LPGAT1: variants seen among roughly 807,000 people sequenced by gnomAD.
The protein encoded by LPGAT1 is acyl-CoA:lysophosphatidylglycerol acyltransferase 1.
In LPGAT1, 11 loss-of-function variants were observed where a neutral mutation model predicts 47.5. The observed-to-expected ratio is 0.23, with a 90% CI of 0.15 to 0.38. The LOEUF (loss-of-function observed/expected upper bound fraction) is 0.38. Ranked by LOEUF, LPGAT1 falls within the 10% of genes least tolerant of loss-of-function variation. The probability of loss-of-function intolerance (pLI) is 1.00; values close to 1 mark genes in which losing one functional copy is unlikely to be tolerated. For missense variants in LPGAT1, 293 were observed against 439.0 expected, an observed-to-expected ratio of 0.67 and a Z score of 2.97; for synonymous variants, 138 against 144.2, an observed-to-expected ratio of 0.96 and a Z score of 0.31.
At position 211,829,343 on chromosome 1, in the gene LPGAT1, C is replaced by A; in HGVS notation, c.-27-20G>T. The A allele has an allele frequency of 1.2e-6, 2 of 1,607,428 alleles. No homozygotes were observed. The highest frequency in any genetic ancestry group is 1.7e-6 in the Non-Finnish European group (2 of 1,176,286). ...GTCTTTCTGGGGTGAAAGAAAAATT[C>A]ACTTAAAAAGGAAAATTCATTAAAT... On this transcript the variant is annotated intron_variant, in intron 1 of 7. Transcript: ENST00000366997.
chr1:211,776,077 A>C (rs567716644), intron 6 of LPGAT1, among the ~76,000 whole-genome samples: 61 of 151,678 alleles, frequency 4.0e-4, no homozygotes, highest in African/African-American at 1.5e-3. Context: ...TAATTACAGA[A>C]CTCTAGGCTT....
chr1:211,829,718 G>C (rs931229339), intron 1 of LPGAT1: 17 of 1,018,702 alleles, frequency 1.7e-5, no homozygotes, highest in Middle Eastern at 5.0e-4. Flanking sequence ...CCGAAACAGG[G>C]TCCCCTCAAT....
chr1:211,757,273 T>C (rs1442286382), intron 6 of LPGAT1, among the ~76,000 whole-genome samples: 1 of 151,854 alleles, frequency 6.6e-6, no homozygotes, highest in Non-Finnish European at 1.5e-5. Flanking sequence ...AAAAAGCTAT[T>C]GGGCAGACTG....
chr1:211,809,593 T>C (rs1659892665), intron 2 of LPGAT1, among the ~76,000 whole-genome samples: 1 of 152,120 alleles, frequency 6.6e-6, no homozygotes, highest in Non-Finnish European at 1.5e-5. Flanking sequence ...GGTAATTGAA[T>C]CATGAGGGGC....
chr1:211,751,573 T>C (rs140510665), intron 6 of LPGAT1, among the ~76,000 whole-genome samples: 56 of 152,234 alleles, frequency 3.7e-4, no homozygotes, highest in Non-Finnish European at 6.8e-4. Context: ...GGGGTAACTT[T>C]TACCGGTTGG....
intron 2 of LPGAT1, among the ~76,000 whole-genome samples, chr1:211,801,371 A>C (rs12123135): frequency 0.087 from 13,191 of 152,076 alleles, 666 homozygotes; most frequent in Admixed American, 0.15. Flanking sequence ...GAAACTCAAA[A>C]CCCTTTCCTT....
At chr1:211,822,484 G>A (rs1172611704) in intron 2 of LPGAT1, among the ~76,000 whole-genome samples, 1 of 152,018 alleles carries the variant, frequency 6.6e-6, no homozygotes, top group Non-Finnish European at 1.5e-5. Context: ...TTTACGTCAA[G>A]ATCAGTCGTC....
chr1:211,758,724 G>C (rs1657566991), intron 6 of LPGAT1, among the ~76,000 whole-genome samples: 1 of 151,940 alleles, frequency 6.6e-6, no homozygotes, highest in Admixed American at 6.6e-5. Context: ...AGAACCTCTA[G>C]TATAATGTTC....
chr1:211,756,967 C>T (rs974688316), intron 6 of LPGAT1, among the ~76,000 whole-genome samples: 1 of 149,116 alleles, frequency 6.7e-6, no homozygotes, highest in African/African-American at 2.5e-5. Flanking sequence ...ATTAAGCATA[C>T]AAACTATCAC....
intron 6 of LPGAT1, among the ~76,000 whole-genome samples, chr1:211,775,719 G>A (rs771193363): frequency 5.9e-5 from 9 of 151,774 alleles, no homozygotes; most frequent in East Asian, 3.9e-4. Flanking sequence ...ACCTGAGGTC[G>A]GGAGTTCGAG....
intron 4 of LPGAT1, among the ~76,000 whole-genome samples, chr1:211,784,018 T>C (rs1362068793): frequency 6.6e-6 from 1 of 152,140 alleles, no homozygotes; most frequent in Non-Finnish European, 1.5e-5. Flanking sequence ...GAATAAGTCA[T>C]GTGAAGATGC....
intron 2 of LPGAT1, among the ~76,000 whole-genome samples, chr1:211,827,039 C>T (rs935786977): frequency 3.3e-5 from 5 of 152,332 alleles, no homozygotes; most frequent in African/African-American, 1.2e-4. Flanking sequence ...GGCTTTCAAC[C>T]AAATTCATTC....
At chr1:211,813,982 C>G (rs1660087564) in intron 2 of LPGAT1, among the ~76,000 whole-genome samples, 1 of 152,182 alleles carries the variant, frequency 6.6e-6, no homozygotes, top group South Asian at 2.1e-4. Flanking sequence ...CAAGTATGAA[C>G]ATTCTTTTTT....
chr1:211,819,941 C>T (rs1014007006), intron 2 of LPGAT1, among the ~76,000 whole-genome samples: 3 of 151,856 alleles, frequency 2.0e-5, no homozygotes, highest in Admixed American at 6.6e-5. Flanking sequence ...GCCAAGACTG[C>T]ACCACTACAC....
chr1:211,783,180 G>GA, intron 5 of LPGAT1, 49 bp downstream of exon 5: 1 of 1,493,554 alleles, frequency 6.7e-7, no homozygotes, highest in Non-Finnish European at 9.0e-7. Context: ...TGTAACTCCA[G>GA]AAAATCCTTT....
intron 2 of LPGAT1, among the ~76,000 whole-genome samples, chr1:211,826,225 A>G (rs991696011): frequency 2.0e-5 from 3 of 152,244 alleles, no homozygotes; most frequent in African/African-American, 7.2e-5. Flanking sequence ...ATGAATTTAC[A>G]GGGCTCATTT....
intron 2 of LPGAT1, among the ~76,000 whole-genome samples, chr1:211,804,553 A>G (rs1288552630): frequency 2.0e-5 from 3 of 152,216 alleles, no homozygotes; most frequent in Admixed American, 2.0e-4. Flanking sequence ...CTCTGTGTAT[A>G]AAGACAATTT....
rs375080088 is a variant in LPGAT1, at chr1:211,829,856, G to A, written c.-27-533C>T. On this transcript the variant is annotated intron_variant, in intron 1 of 7. Transcript: ENST00000366997. ...TCAAAATTCTCATTTGTAGCAATAG[G>A]GTTTTTGTTTCCCTTTTTTTTTTAA... The A allele has an allele frequency of 9.3e-5, 91 of 974,494 alleles. 1 individual carries two copies. In the South Asian group the frequency reaches 4.2e-3, roughly 45 times the overall value. 60.4% of individuals were successfully genotyped at this position (974,494 alleles called of 1,614,324 possible). A position where few individuals can be genotyped will look rare whatever the true frequency, so the allele number is the denominator to read the frequency against.
Position 211,749,848 on chromosome 1 carries a change from TGAAA to T in LPGAT1, c.*47_*50del. ...GCACATGTAAAATAATGCACACTTA[TGAAA>T]GAAAGTCTGAACTCCTACGGTGACC... On this transcript the variant is annotated 3_prime_UTR_variant, in exon 8 of 8. Transcript: ENST00000366997. 15 of 1,575,356 alleles carry T rather than the reference TGAAA, an allele frequency of 9.5e-6. No homozygotes were observed. The highest frequency in any genetic ancestry group is 1.3e-5 in the Non-Finnish European group (15 of 1,156,064).
Sources: allele counts gnomAD v4.1 joint callset (sites outside exome capture counted in the v4.1 genomes callset), GRCh38; gene constraint gnomAD v4.1.1; transcripts MANE v1.5; gene names NCBI Gene and HGNC (gene_info 2026-07-23, HGNC 2026-07-21).